The following UGT1A7 variants were observed in gnomAD, a reference collection of about 807,000 sequenced individuals.
The protein encoded by UGT1A7 is UDP-glucuronosyltransferase 1A7.
A neutral mutation model predicts 45.6 loss-of-function variants in UGT1A7; 33 were observed. The observed-to-expected ratio is 0.72, with a 90% CI of 0.55 to 0.97. The LOEUF (loss-of-function observed/expected upper bound fraction) is 0.97, where lower values mean the gene tolerates loss of function less well. Among genes scored for constraint, UGT1A7 ranks in the 50% least tolerant of loss-of-function variants. The pLI, the probability that UGT1A7 is intolerant of heterozygous loss-of-function variation, is 0.00. For synonymous variants in UGT1A7, 274 were observed against 250.6 expected (o/e 1.09, Z -0.88); for missense variants, 684 against 666.2 (o/e 1.03, Z -0.29).
At position 233,726,141 on chromosome 2, in the gene UGT1A7, G is replaced by A. The variant is rs1025600360; in HGVS notation, c.856-40893G>A. On this transcript the variant is annotated intron_variant, in intron 1 of 4. Transcript: ENST00000373426. The stretch of plus-strand genomic sequence containing the variant: ...TGTTCACACCACCTCACTCCAGCCC[G>A]AGTGACAGAGTGAGGCCCCATTTCA... Among the ~76,000 whole-genome samples the A allele has an allele frequency of 5.9e-5, 9 of 152,188 alleles. No individual in the cohort carries two copies. The East Asian group carries it at 7.7e-4, about 13-fold the overall frequency.
At chr2:233,747,120 A>T in intron 1 of UGT1A7, 1 of 1,469,012 alleles carries the variant, frequency 6.8e-7, no homozygotes, top group Non-Finnish European at 9.2e-7. Context: ...ATGATTTGCT[A>T]AGTGGCTCAG....
chr2:233,729,525 T>C (rs763371606), intron 1 of UGT1A7: 3 of 1,614,216 alleles, frequency 1.9e-6, no homozygotes, highest in Non-Finnish European at 2.5e-6. Context: ...AGCTACTACA[T>C]AATGAGGCCC....
chr2:233,764,410 G>T (rs1287852484), intron 1 of UGT1A7, among the ~76,000 whole-genome samples: 1 of 152,152 alleles, frequency 6.6e-6, no homozygotes, highest in Non-Finnish European at 1.5e-5. Context: ...TCTGCAGTTT[G>T]CCCTGCGTGA....
intron 1 of UGT1A7, among the ~76,000 whole-genome samples, chr2:233,709,947 T>G (rs2076099525): frequency 6.6e-6 from 1 of 152,226 alleles, no homozygotes; most frequent in Admixed American, 6.5e-5. Flanking sequence ...TGGTTTCTGT[T>G]GCTGGATAAC....
Position 233,767,908 on chromosome 2 carries a change from T to C in UGT1A7, c.1047T>C (p.Val349=). ...PSNLANNTIL[V]KWLPQNDLLG... ...ATCTTGCGAACAACACGATACTTGT[T>C]AAGTGGCTACCCCAAAACGATCTGC... The change falls in exon 3 of 5, where the codon GTT becomes GTC. Residue 349 remains valine (V), a synonymous_variant. Coordinates refer to ENST00000373426, the MANE Select transcript of UGT1A7 (RefSeq NM_019077.3). 6.2e-7 allele frequency: 1 copy of C among 1,614,222 alleles called. No individual in the cohort carries two copies.
intron 1 of UGT1A7, among the ~76,000 whole-genome samples, chr2:233,708,924 G>A (rs907021830): frequency 1.3e-5 from 2 of 152,096 alleles, no homozygotes; most frequent in African/African-American, 4.8e-5. Context: ...TTGCTACAGA[G>A]CCAAACTATG....
At chr2:233,687,634 GGC>G (rs2125537846) in intron 1 of UGT1A7, among the ~76,000 whole-genome samples, 1 of 151,318 alleles carries the variant, frequency 6.6e-6, no homozygotes, top group African/African-American at 2.4e-5. Context: ...TGAGTGTGGT[GGC>G]TCACACATGT....
intron 1 of UGT1A7, among the ~76,000 whole-genome samples, chr2:233,698,405 T>C (rs896142522): frequency 6.6e-6 from 1 of 152,204 alleles, no homozygotes; most frequent in African/African-American, 2.4e-5. Flanking sequence ...TTTATGTGAC[T>C]TCATCGCAAT....
At chr2:233,747,128 C>G (rs1346138562) in intron 1 of UGT1A7, 1 of 1,515,314 alleles carries the variant, frequency 6.6e-7, no homozygotes, top group Non-Finnish European at 8.9e-7. Context: ...CTAAGTGGCT[C>G]AGTGACAAGG....
chr2:233,718,508 T>G (rs1330997916), intron 1 of UGT1A7, among the ~76,000 whole-genome samples: 1 of 152,136 alleles, frequency 6.6e-6, no homozygotes, highest in Non-Finnish European at 1.5e-5. Context: ...GGCAGTGACA[T>G]GAAATGGGTG....
chr2:233,696,212 C>G (rs558627515), intron 1 of UGT1A7, among the ~76,000 whole-genome samples: 1 of 152,314 alleles, frequency 6.6e-6, no homozygotes, highest in East Asian at 1.9e-4. Context: ...TATTATAGCA[C>G]TATTCACAGT....
intron 1 of UGT1A7, chr2:233,750,470 T>A (rs1412262508): frequency 6.6e-6 from 1 of 151,972 alleles, no homozygotes; most frequent in Non-Finnish European, 1.5e-5. Context: ...AAATACTGGC[T>A]ATAGAAATTT....
chr2:233,765,218 C>T (rs1413075025), intron 1 of UGT1A7, among the ~76,000 whole-genome samples: 1 of 152,118 alleles, frequency 6.6e-6, no homozygotes, highest in African/African-American at 2.4e-5. Flanking sequence ...GTATTCTTTG[C>T]AAACATAAAA....
At chr2:233,685,659 T>C (rs563821705) in intron 1 of UGT1A7, among the ~76,000 whole-genome samples, 1 of 152,360 alleles carries the variant, frequency 6.6e-6, no homozygotes, top group South Asian at 2.1e-4. Context: ...GGAGAGGCTA[T>C]GGCATAATGT....
intron 1 of UGT1A7, chr2:233,691,365 G>A (rs2075039933): frequency 1.0e-6 from 1 of 985,548 alleles, no homozygotes; most frequent in African/African-American, 1.7e-5. Flanking sequence ...CAATGAATTT[G>A]CATCCTGGTT....
At chr2:233,718,974 C>T (rs1346744859) in intron 1 of UGT1A7, 1 of 1,614,236 alleles carries the variant, frequency 6.2e-7, no homozygotes, top group South Asian at 1.1e-5. Flanking sequence ...GCGGGAGCTC[C>T]ATGCCAGAGG....
chr2:233,765,595 AG>A (rs1698878767), intron 1 of UGT1A7, among the ~76,000 whole-genome samples: 1 of 152,004 alleles, frequency 6.6e-6, no homozygotes, highest in South Asian at 2.1e-4. Flanking sequence ...AACACACACC[AG>A]GGCTTGTGGC....
chr2:233,731,478 G>T lies in UGT1A7; in HGVS notation c.856-35556G>T, dbSNP rs546247495. 7.2e-5 allele frequency among the ~76,000 whole-genome samples: 11 copies of T among 152,100 alleles called. No individual in the cohort carries two copies. In the East Asian group the frequency reaches 2.1e-3, roughly 29 times the overall value. On this transcript the variant is annotated intron_variant, in intron 1 of 4. Transcript: ENST00000373426. ...AGGCCCTGGCGTGTGATGTTCCCTG[G>T]CCTGTGTCCAGTGTTCTTGCTGTTC... is the stretch of plus-strand genomic sequence containing the variant.
intron 1 of UGT1A7, among the ~76,000 whole-genome samples, chr2:233,752,809 C>T (rs1695067711): frequency 6.6e-6 from 1 of 152,224 alleles, no homozygotes. Flanking sequence ...AGAAGGAACA[C>T]TTCCCATTTA....
Sources: gnomAD v4.1 joint callset for allele counts (sites outside exome capture counted in the v4.1 genomes callset) on GRCh38, gnomAD v4.1.1 for gene constraint, MANE v1.5 for transcripts, NCBI Gene and HGNC (gene_info 2026-07-23, HGNC 2026-07-21) for gene names.